The following GRHL2 variants were observed in gnomAD, a reference collection of about 807,000 sequenced individuals.
The protein encoded by GRHL2 is grainyhead-like protein 2 homolog.
In GRHL2, 21 loss-of-function variants were observed where a neutral mutation model predicts 83.8. The ratio of observed to expected loss-of-function variants is 0.25; its 90% CI spans 0.18 to 0.36. GRHL2 has a LOEUF of 0.36. GRHL2 is among the 10% of genes least tolerant of loss of function. GRHL2 has a pLI of 1.00. For missense variants in GRHL2, 623 were observed against 781.8 expected, an observed-to-expected ratio of 0.80 and a Z score of 2.42; for synonymous variants, 280 against 278.9, an observed-to-expected ratio of 1.00 and a Z score of -0.04.
rs111642558 is a variant in GRHL2, at chr8:101,543,665, G to A, written c.216+229G>A. The A allele has an allele frequency of 0.033, 18,114 of 553,008 alleles. 401 individuals are homozygous for A. The highest frequency in any genetic ancestry group is 0.076 in the African/African-American group (4,037 of 53,024). The allele number at this position is 553,008 out of a possible 1,614,324, so 34.3% of individuals were successfully genotyped here. Reference sequence around the variant, plus strand: ...CTCATTTTGGGATAATATTTTTTGTGTTCCTTGTTCACATGCATAAATATT... The same window carrying A: ...CTCATTTTGGGATAATATTTTTTGTATTCCTTGTTCACATGCATAAATATT... On this transcript the variant is annotated intron_variant, in intron 2 of 15. Transcript: ENST00000646743.
intron 1 of GRHL2, among the ~76,000 whole-genome samples, chr8:101,493,113 C>A (rs1702192975): frequency 6.6e-6 from 1 of 152,126 alleles, no homozygotes; most frequent in Non-Finnish European, 1.5e-5. Context: ...GGTAGATGGG[C>A]GCGGGAGGCC....
rs61519476 is a variant in GRHL2, at chr8:101,598,581, ATTTT to A, written c.1004-450_1004-447del. On this transcript the variant is annotated intron_variant, in intron 7 of 15. Transcript: ENST00000646743. ...AAAAAGCTTTACTGTGGTCTCCTGA[ATTTT>A]TTTTTTTTTTTTTTTTTTTTTTTTT... Among the ~76,000 whole-genome samples, 7 of 117,652 alleles carry A rather than the reference ATTTT, an allele frequency of 5.9e-5. No individual in the cohort carries two copies. In the East Asian group the frequency reaches 1.8e-3, roughly 30 times the overall value. The allele number at this position is 117,652 out of a possible 152,430, so 77.2% of individuals were successfully genotyped here. A position where few individuals can be genotyped will look rare whatever the true frequency, so the allele number is the denominator to read the frequency against.
intron 1 of GRHL2, among the ~76,000 whole-genome samples, chr8:101,533,381 T>G (rs1164688666): frequency 2.9e-4 from 44 of 152,232 alleles, no homozygotes; most frequent in Non-Finnish European, 2.9e-5. Flanking sequence ...TAACTTTTAC[T>G]TCAATTCCTC....
chr8:101,652,542 T>TGGTGTTTGTGTGTGGTGTGTGTGG (rs1813684146), intron 14 of GRHL2, among the ~76,000 whole-genome samples: 1 of 99,142 alleles, frequency 1.0e-5, no homozygotes. Flanking sequence ...GGTGTGTGTG[T>TGGTGTTTGTGTGTGGTGTGTGTGG]GTGTGGTGTG....
chr8:101,624,773 A>G (rs1036469638), intron 9 of GRHL2, among the ~76,000 whole-genome samples: 1 of 152,166 alleles, frequency 6.6e-6, no homozygotes, highest in South Asian at 2.1e-4. Flanking sequence ...CTCAATAGAC[A>G]CAGTTGAATA....
chr8:101,661,639 A>G (rs1332144600), intron 14 of GRHL2, among the ~76,000 whole-genome samples: 1 of 152,130 alleles, frequency 6.6e-6, no homozygotes, highest in Non-Finnish European at 1.5e-5. Context: ...AATATTTTCA[A>G]TCCATGGCTG....
chr8:101,535,012 A>C (rs901816359), intron 1 of GRHL2, among the ~76,000 whole-genome samples: 6 of 152,172 alleles, frequency 3.9e-5, no homozygotes, highest in African/African-American at 1.4e-4. Flanking sequence ...TCTCTCATTT[A>C]ATTTATCAGC....
intron 1 of GRHL2, among the ~76,000 whole-genome samples, chr8:101,525,419 A>T (rs978016897): frequency 6.6e-6 from 1 of 152,232 alleles, no homozygotes; most frequent in East Asian, 1.9e-4. Flanking sequence ...AGTAAATTTT[A>T]AAAAATACTT....
chr8:101,528,441 TTAAC>T (rs1362079014), intron 1 of GRHL2, among the ~76,000 whole-genome samples: 5 of 152,048 alleles, frequency 3.3e-5, no homozygotes, highest in Non-Finnish European at 4.4e-5. Context: ...TTTTTTTTTT[TTAAC>T]TAACAAGCAA....
intron 1 of GRHL2, among the ~76,000 whole-genome samples, chr8:101,531,833 A>AGG: frequency 6.6e-6 from 1 of 152,290 alleles, no homozygotes; most frequent in African/African-American, 2.4e-5. Flanking sequence ...GGAGAGAGAG[A>AGG]GAGAGACCAT....
chr8:101,666,108 A>T (rs1044662321), intron 15 of GRHL2, among the ~76,000 whole-genome samples: 2 of 152,218 alleles, frequency 1.3e-5, no homozygotes, highest in Non-Finnish European at 1.5e-5. Flanking sequence ...AGTTGCTGTG[A>T]GAACTAAACA....
In GRHL2 at chr8:101,668,374, T is replaced by C. The variant is rs1250326539; in HGVS notation, c.*1671T>C. 6.5e-6 allele frequency: 1 copy of C among 152,692 alleles called. No homozygotes were observed. The highest frequency in any genetic ancestry group is 1.5e-5 in the Non-Finnish European group (1 of 68,098). The allele number at this position is 152,692 out of a possible 1,614,324, so 9.5% of individuals were successfully genotyped here. On this transcript the variant is annotated 3_prime_UTR_variant, in exon 16 of 16. Coordinates refer to ENST00000646743, the MANE Select transcript of GRHL2 (RefSeq NM_024915.4). ...GCTTCCTGCGCTCCCACCTCATCTG[T>C]CCCTGAGATGCAGAGCAGGATGGAG...
intron 5 of GRHL2, among the ~76,000 whole-genome samples, chr8:101,573,007 T>C (rs1811858346): frequency 6.6e-6 from 1 of 152,204 alleles, no homozygotes; most frequent in Admixed American, 6.5e-5. Context: ...AAACCTTTAT[T>C]TACAAAAACA....
chr8:101,591,807 T>C lies in GRHL2; in HGVS notation c.1004-7250T>C, dbSNP rs75876154. ...TGGCATGAGCTTGTAAGTTCTCTGT[T>C]TGTGGCAGTTATTATCCTAAGGGCA... On this transcript the variant is annotated intron_variant, in intron 7 of 15. Transcript: ENST00000646743. Among the ~76,000 whole-genome samples the C allele has an allele frequency of 5.8e-3, 878 of 152,316 alleles. 11 individuals are homozygous for C. Among genetic ancestry groups the C allele is most frequent in the African/African-American group, 0.02 (843 of 41,576 alleles).
chr8:101,529,783 A>T (rs1176362672), intron 1 of GRHL2, among the ~76,000 whole-genome samples: 1 of 152,174 alleles, frequency 6.6e-6, no homozygotes, highest in Non-Finnish European at 1.5e-5. Context: ...AAGACCTTTC[A>T]GCCCTGGCAG....
chr8:101,573,961 G>A, intron 6 of GRHL2, 137 bp downstream of exon 6: 1 of 996,346 alleles, frequency 1.0e-6, no homozygotes, highest in Non-Finnish European at 1.5e-6. Flanking sequence ...CAGAGAGTTG[G>A]GGCAAGAGCA....
chr8:101,674,835 C>T, the GRHL2 span, among the ~76,000 whole-genome samples: 1 of 152,056 alleles, frequency 6.6e-6, no homozygotes, highest in East Asian at 1.9e-4. Flanking sequence ...ACGAATCCAG[C>T]AGCACATCAA....
chr8:101,665,662 T>A (rs1814035263), intron 15 of GRHL2, among the ~76,000 whole-genome samples: 1 of 152,242 alleles, frequency 6.6e-6, no homozygotes, highest in South Asian at 2.1e-4. Flanking sequence ...TTCATCAAGC[T>A]CTGTATCAGG....
downstream of GRHL2, among the ~76,000 whole-genome samples, chr8:101,674,124 A>C (rs146956644): frequency 6.6e-6 from 1 of 152,156 alleles, no homozygotes; most frequent in Admixed American, 6.5e-5. Flanking sequence ...CAAAATTGAC[A>C]CCCTAACGTC....
Sources: allele counts gnomAD v4.1 joint callset (sites outside exome capture counted in the v4.1 genomes callset), GRCh38; gene constraint gnomAD v4.1.1; transcripts MANE v1.5; gene names NCBI Gene and HGNC (gene_info 2026-07-23, HGNC 2026-07-21).